The following CCDC40 variants were observed in gnomAD, a reference collection of about 807,000 sequenced individuals.
CCDC40 encodes the protein coiled-coil domain-containing protein 40.
In CCDC40, 104 loss-of-function variants were observed where a neutral mutation model predicts 124.5. The observed-to-expected ratio is 0.84, with a 90% CI of 0.71 to 0.98. The LOEUF is 0.98. Ranked by LOEUF, CCDC40 falls within the 50% of genes least tolerant of loss-of-function variation. The pLI is 0.00. For missense variants in CCDC40, 1,463 were observed against 1,503.9 expected, an observed-to-expected ratio of 0.97 and a Z score of 0.45; for synonymous variants, 580 against 602.9, an observed-to-expected ratio of 0.96 and a Z score of 0.56.
At chr17:80,083,285 C>T (rs55818443) in intron 12 of CCDC40, among the ~76,000 whole-genome samples, 16,635 of 152,052 alleles carry the variant, frequency 0.11, 1,144 homozygotes, top group Non-Finnish European at 0.15. Flanking sequence ...GAGGAGGCTG[C>T]GAGCTGACAT....
chr17:80,090,241 GC>G lies in CCDC40; in HGVS notation c.2832+358del. 18 of 877,900 alleles carry G rather than the reference GC, an allele frequency of 2.1e-5. 1 individual carries two copies. Among genetic ancestry groups the G allele is most frequent in the South Asian group, 1.2e-4 (6 of 48,360 alleles). 54.4% of individuals were successfully genotyped at this position (877,900 alleles called of 1,614,324 possible). ...GAACACGGGACGCGCGCAGGCACGT[GC>G]ACGAACAACACGGGACGCGCGCGGG... On this transcript the variant is annotated intron_variant, in intron 17 of 19. Coordinates refer to ENST00000397545, the MANE Select transcript of CCDC40 (RefSeq NM_017950.4).
intron 17 of CCDC40, chr17:80,090,536 C>T (rs1026330497): frequency 2.0e-6 from 3 of 1,518,672 alleles, no homozygotes; most frequent in African/African-American, 2.7e-5. Flanking sequence ...CATGTAATCA[C>T]AGCACGCTGG....
In CCDC40 at chr17:80,086,188, C is replaced by T; in HGVS notation, c.2421C>T (p.Ile807=). 1 of 1,612,198 alleles carries T rather than the reference C, an allele frequency of 6.2e-7. No individual in the cohort carries two copies. The highest frequency in any genetic ancestry group is 8.5e-7 in the Non-Finnish European group (1 of 1,179,154). Residue 807 remains isoleucine, a synonymous_variant, in exon 14 of 20, where the codon ATC becomes ATT. Coordinates refer to ENST00000397545, the MANE Select transcript of CCDC40 (RefSeq NM_017950.4). The surrounding 1 kb of genome is among the most constrained non-coding windows in gnomAD (Gnocchi z 5.5). ...SLDASKKELH[I]MEQKKLRVES... is the part of the protein sequence containing the mutation. ...ACGCATCCAAGAAGGAGCTCCACAT[C>T]ATGGAGCAGAAGAAACTACGAGTAG...
At position 80,081,783 on chromosome 17, in the gene CCDC40, C is replaced by T; in HGVS notation, c.1800C>T (p.Asp600=). ...LQDTEDALSQ[D]QLEQMILTEE... ...ACACAGAGGATGCCCTCAGCCAGGA[C>T]CAGCTGGTGAGGCCGGGCCCGCCCC... Residue 600 remains aspartate, a synonymous_variant, in exon 11 of 20, where the codon GAC becomes GAT. Coordinates refer to ENST00000397545, the MANE Select transcript of CCDC40 (RefSeq NM_017950.4). The T allele has an allele frequency of 6.2e-7, 1 of 1,613,962 alleles. No homozygotes were observed. Among genetic ancestry groups the T allele is most frequent in the Non-Finnish European group, 8.5e-7 (1 of 1,180,028 alleles).
In CCDC40 at chr17:80,058,370, A is replaced by G; in HGVS notation, c.1160-124A>G. On this transcript the variant is annotated intron_variant, in intron 7 of 19. Coordinates refer to ENST00000397545, the MANE Select transcript of CCDC40 (RefSeq NM_017950.4). This position sits in a 1 kb window ranked among gnomAD's most constrained non-coding sequence, Gnocchi z 4.2. Reference sequence around the variant, plus strand: ...TAAAAGCAGTTTCCCAGTCTTACCCAAAAATGGCAGGAAGGGTGCCCAGAA... The same window carrying G: ...TAAAAGCAGTTTCCCAGTCTTACCCGAAAATGGCAGGAAGGGTGCCCAGAA... 1.2e-6 allele frequency: 1 copy of G among 816,390 alleles called. No individual in the cohort carries two copies. Among genetic ancestry groups the G allele is most frequent in the South Asian group, 1.5e-5 (1 of 65,916 alleles). The allele number at this position is 816,390 out of a possible 1,614,324, so 50.6% of individuals were successfully genotyped here.
At chr17:80,091,542 C>T (rs58035406) in intron 17 of CCDC40, among the ~76,000 whole-genome samples, 5,724 of 15,092 alleles carry the variant, frequency 0.38, 158 homozygotes, top group East Asian at 0.54. Flanking sequence ...GTCCCACCAC[C>T]TTCTTCTGCC....
chr17:80,052,293 G>A (rs1315549472), intron 7 of CCDC40, among the ~76,000 whole-genome samples: 4 of 152,212 alleles, frequency 2.6e-5, no homozygotes, highest in African/African-American at 9.6e-5. Flanking sequence ...TTCCAAAAAT[G>A]AAGAACCTGG....
chr17:80,078,484 C>T lies in CCDC40; in HGVS notation c.1563-3062C>T, dbSNP rs544486606. 2.6e-5 allele frequency among the ~76,000 whole-genome samples: 4 copies of T among 152,272 alleles called. No homozygotes were observed. The East Asian group carries it at 5.8e-4, about 22-fold the overall frequency. On this transcript the variant is annotated intron_variant, in intron 10 of 19. Coordinates refer to ENST00000397545, the MANE Select transcript of CCDC40 (RefSeq NM_017950.4). ...TTGTGGTATGAGCGGGGTCCAGGCTCAGGTTTTGTGTGTCTCTCTCTAGTT... is the reference window on the plus strand; with the variant it reads ...TTGTGGTATGAGCGGGGTCCAGGCTTAGGTTTTGTGTGTCTCTCTCTAGTT...
chr17:80,057,542 C>G (rs552864663), intron 7 of CCDC40, among the ~76,000 whole-genome samples: 115 of 152,282 alleles, frequency 7.6e-4, no homozygotes, highest in African/African-American at 2.7e-3. Flanking sequence ...AGTACTGACC[C>G]ACGTGTAGCT....
intron 17 of CCDC40, chr17:80,090,908 T>A: frequency 5.5e-6 from 4 of 724,478 alleles, no homozygotes; most frequent in Non-Finnish European, 7.1e-6. Flanking sequence ...TTTAATTGAC[T>A]TTTCATATTA....
rs943416467 is a variant in CCDC40 at position 80,058,122 on chromosome 17, A to G, written c.1160-372A>G. ...CTCCTCCCAGGGGACTTAAGACTCCACCTAAGGTTGCCAGCCTTTCAGTGG... is the reference window on the plus strand; with the variant it reads ...CTCCTCCCAGGGGACTTAAGACTCCGCCTAAGGTTGCCAGCCTTTCAGTGG... On this transcript the variant is annotated intron_variant, in intron 7 of 19. Transcript: ENST00000397545. This position sits in a 1 kb window ranked among gnomAD's most constrained non-coding sequence, Gnocchi z 4.2. Among the ~76,000 whole-genome samples, 4 of 152,080 alleles carry G rather than the reference A, an allele frequency of 2.6e-5. No homozygotes were observed. The highest frequency in any genetic ancestry group is 7.2e-5 in the African/African-American group (3 of 41,406).
chr17:80,074,326 C>T (rs957340304), intron 10 of CCDC40, among the ~76,000 whole-genome samples: 10 of 152,222 alleles, frequency 6.6e-5, no homozygotes, highest in East Asian at 5.8e-4. Context: ...CTGGCTAACA[C>T]GGTGAAACCC....
chr17:80,082,426 AG>A (rs2038475365), intron 12 of CCDC40, among the ~76,000 whole-genome samples: 1 of 150,846 alleles, frequency 6.6e-6, no homozygotes, highest in African/African-American at 2.4e-5. Context: ...TTGTGTCCTT[AG>A]AAAAAACAAT....
At chr17:80,090,449 A>C (rs1437066956) in intron 17 of CCDC40, 1 of 153,458 alleles carries the variant, frequency 6.5e-6, no homozygotes, top group Non-Finnish European at 8.6e-6. Context: ...GGACACACAC[A>C]AGCACGTGCA....
Position 80,089,838 on chromosome 17 carries a change from G to A in CCDC40, c.2786G>A (p.Gly929Asp). ...EMRSSVDSEIGQTEIRAMKGE... is the reference protein window; with the variant it reads ...EMRSSVDSEIDQTEIRAMKGE... ...CGTTCCTCAGTGGATTCCGAGATCG[G>A]CCAGACGGAGATCCGGGCCATGAAG... is the stretch of plus-strand genomic sequence containing the variant. Residue 929 changes from glycine to aspartate, a missense_variant, in exon 17 of 20, where the codon GGC (glycine) becomes GAC (aspartate). By Grantham distance (94) the Gly-to-Asp change is moderately conservative (BLOSUM62 -1). Transcript: ENST00000397545. 6.2e-7 allele frequency: 1 copy of A among 1,614,250 alleles called. No homozygotes were observed. The highest frequency in any genetic ancestry group is 8.5e-7 in the Non-Finnish European group (1 of 1,180,030).
At chr17:80,091,883 G>A (rs767241228) in intron 17 of CCDC40, among the ~76,000 whole-genome samples, 8 of 151,852 alleles carry the variant, frequency 5.3e-5, no homozygotes, top group East Asian at 1.9e-4. Flanking sequence ...AGCACATGGC[G>A]GCAGTCATAT....
intron 9 of CCDC40, among the ~76,000 whole-genome samples, chr17:80,059,207 C>T (rs1033129135): frequency 6.6e-5 from 10 of 152,196 alleles, no homozygotes; most frequent in Admixed American, 6.5e-4. Context: ...GACAGAAGGC[C>T]TCGCAGGGTT....
chr17:80,090,282 A>C lies in CCDC40; in HGVS notation c.2832+398A>C, dbSNP rs1309440688. On this transcript the variant is annotated intron_variant, in intron 17 of 19. Coordinates refer to ENST00000397545, the MANE Select transcript of CCDC40 (RefSeq NM_017950.4). The stretch of plus-strand genomic sequence containing the variant: ...ACGCGCGCGGGCACGTGCACGAACA[A>C]CACGGGACGCGCGCAGGCACGTGCA... 41 of 1,308,562 alleles carry C rather than the reference A, an allele frequency of 3.1e-5. 2 individuals carry two copies. Among genetic ancestry groups the C allele is most frequent in the Middle Eastern group, 2.0e-4 (1 of 5,016 alleles). 81.1% of individuals were successfully genotyped at this position (1,308,562 alleles called of 1,614,324 possible). A position where few individuals can be genotyped will look rare whatever the true frequency, so the allele number is the denominator to read the frequency against.
chr17:80,039,214 A>C (rs2037207863), intron 2 of CCDC40, among the ~76,000 whole-genome samples: 1 of 151,922 alleles, frequency 6.6e-6, no homozygotes, highest in African/African-American at 2.4e-5. Flanking sequence ...TAAAAATGGA[A>C]AAATTAACTG....
Sources: allele counts gnomAD v4.1 joint callset (sites outside exome capture counted in the v4.1 genomes callset), GRCh38; gene constraint gnomAD v4.1.1; non-coding constraint Gnocchi (gnomAD v3.1); transcripts MANE v1.5; gene names NCBI Gene and HGNC (gene_info 2026-07-23, HGNC 2026-07-21).